Variants in TSEN2 observed in about 807,000 individuals in gnomAD.
The protein encoded by TSEN2 is tRNA splicing endonuclease subunit 2, also known as tRNA-splicing endonuclease subunit Sen2.
In TSEN2, 54 loss-of-function variants were observed where a neutral mutation model predicts 59.2. The ratio of observed to expected loss-of-function variants is 0.91; its 90% confidence interval spans 0.73 to 1.14. The LOEUF (loss-of-function observed/expected upper bound fraction) is 1.14. TSEN2 is among the 50% of genes most tolerant of loss of function. The probability of loss-of-function intolerance (pLI) is 0.00; values close to 1 mark genes in which losing one functional copy is unlikely to be tolerated. For missense variants in TSEN2, 636 were observed against 576.2 expected (o/e 1.10, Z -1.06); for synonymous variants, 195 against 198.2 (o/e 0.98, Z 0.14).
At chr3:12,493,296 G>A (rs984160085) in intron 3 of TSEN2, among the ~76,000 whole-genome samples, 4 of 152,094 alleles carry the variant, frequency 2.6e-5, no homozygotes, top group Non-Finnish European at 1.5e-5. Flanking sequence ...TAGAATTAAT[G>A]GGTCATATGA....
intron 8 of TSEN2, among the ~76,000 whole-genome samples, chr3:12,526,610 C>T (rs1237831770): frequency 6.6e-6 from 1 of 152,200 alleles, no homozygotes; most frequent in East Asian, 1.9e-4. Context: ...ATCATTAAGC[C>T]ACACAGACTG....
At chr3:12,525,593 A>G (rs572319290) in intron 8 of TSEN2, among the ~76,000 whole-genome samples, 9 of 152,114 alleles carry the variant, frequency 5.9e-5, no homozygotes, top group Admixed American at 1.3e-4. Flanking sequence ...GTCTCACTCT[A>G]TCCCCGAGGG....
intron 6 of TSEN2, among the ~76,000 whole-genome samples, chr3:12,513,098 G>C (rs552430899): frequency 2.4e-4 from 36 of 152,186 alleles, no homozygotes; most frequent in Non-Finnish European, 4.9e-4. Flanking sequence ...TCCATCTGTA[G>C]TAAGTGCCTA....
At chr3:12,533,857 G>C (rs1299174205), downstream of TSEN2, among the ~76,000 whole-genome samples, 1 of 152,028 alleles carries the variant, frequency 6.6e-6, no homozygotes, top group Non-Finnish European at 1.5e-5. Flanking sequence ...GCCAATATGG[G>C]GTAAAATATT....
intron 4 of TSEN2, among the ~76,000 whole-genome samples, chr3:12,497,912 G>A (rs76806948): frequency 0.016 from 2,491 of 152,254 alleles, 43 homozygotes; most frequent in South Asian, 0.059. Context: ...TCCCTCGGAA[G>A]GCTCTGGGGG....
rs1173866020 is a variant in TSEN2 at position 12,494,380 on chromosome 3, A to G, written c.272-2138A>G. Among the ~76,000 whole-genome samples, 4 of 152,182 alleles carry G rather than the reference A, an allele frequency of 2.6e-5. No homozygotes were observed. In the East Asian group the frequency reaches 5.8e-4, roughly 22 times the overall value. ...TTATCTAAAAAGATGGAAATATAAA[A>G]TAGATATTTTATTATATTTTTTGAG... On this transcript the variant is annotated intron_variant, in intron 3 of 11. Transcript: ENST00000284995.
chr3:12,518,599 C>A (rs1031898735), intron 7 of TSEN2, among the ~76,000 whole-genome samples: 1 of 152,118 alleles, frequency 6.6e-6, no homozygotes, highest in African/African-American at 2.4e-5. Context: ...TTTCTGGTAA[C>A]CACATTAAAA....
Position 12,532,969 on chromosome 3 carries a change from G to A in TSEN2, c.*248G>A, listed in dbSNP as rs569680467. The stretch of plus-strand genomic sequence containing the variant: ...CAATCCAGAGCCTCCTGCCTCTGGC[G>A]TCAGTCTTTTCCCTCATCCACTCAC... On this transcript the variant is annotated 3_prime_UTR_variant, in exon 12 of 12. Transcript: ENST00000284995. 192 of 562,528 alleles carry A rather than the reference G, an allele frequency of 3.4e-4. 2 individuals are homozygous for A. Among genetic ancestry groups the A allele is most frequent in the East Asian group, 1.8e-3 (57 of 32,524 alleles). The allele number at this position is 562,528 out of a possible 1,614,324, so 34.8% of individuals were successfully genotyped here.
At chr3:12,486,251 A>G (rs1033172270) in intron 1 of TSEN2, among the ~76,000 whole-genome samples, 4 of 152,186 alleles carry the variant, frequency 2.6e-5, no homozygotes, top group Admixed American at 2.6e-4. Context: ...CTCTTACAGC[A>G]TGCTGTTCTG....
rs1245139878 is a variant in TSEN2, at chr3:12,524,863, C to T, written c.1100-4025C>T. Among the ~76,000 whole-genome samples, 12 of 151,896 alleles carry T rather than the reference C, an allele frequency of 7.9e-5. No homozygotes were observed. In the East Asian group the frequency reaches 2.1e-3, roughly 27 times the overall value. On this transcript the variant is annotated intron_variant, in intron 8 of 11. Transcript: ENST00000284995. ...ATTCAAGTGATTCTCCTGCCTCAGC[C>T]TCCTAAGTAGCTGGGATTACAGATG...
chr3:12,523,552 G>A (rs1431221466), intron 8 of TSEN2, among the ~76,000 whole-genome samples: 1 of 10,776 alleles, frequency 9.3e-5, no homozygotes, highest in Non-Finnish European at 2.6e-4. Context: ...TTTTTTTTTT[G>A]AGACAAAGTC....
chr3:12,523,158 C>T (rs137967932), intron 8 of TSEN2, among the ~76,000 whole-genome samples: 3 of 152,016 alleles, frequency 2.0e-5, no homozygotes, highest in African/African-American at 4.8e-5. Flanking sequence ...GCCAAGAAGC[C>T]GAAAACTAAC....
chr3:12,531,486 A>T (rs2057455775), intron 10 of TSEN2, 84 bp from the exon 11 acceptor site: 1 of 837,200 alleles, frequency 1.2e-6, no homozygotes, highest in Non-Finnish European at 2.1e-6. Flanking sequence ...GAGGGACTGG[A>T]GACCACCTGC....
At chr3:12,537,472 A>T (rs1392534220), downstream of TSEN2, among the ~76,000 whole-genome samples, 2 of 152,284 alleles carry the variant, frequency 1.3e-5, no homozygotes, top group African/African-American at 4.8e-5. Context: ...GGCATTTCTT[A>T]TATTATTTAT....
intron 8 of TSEN2, among the ~76,000 whole-genome samples, 197 bp downstream of exon 8, chr3:12,519,394 G>A (rs2056427481): frequency 1.3e-5 from 2 of 152,214 alleles, no homozygotes; most frequent in African/African-American, 4.8e-5. Flanking sequence ...AGAAGGCCTA[G>A]GAGTAGAAGC....
intron 6 of TSEN2, among the ~76,000 whole-genome samples, chr3:12,516,287 G>C (rs183153130): frequency 6.6e-6 from 1 of 152,192 alleles, no homozygotes; most frequent in South Asian, 2.1e-4. Context: ...TTAGCCGGGC[G>C]TGGCGGCGGG....
intron 3 of TSEN2, 65 bp downstream of exon 3, chr3:12,492,282 T>C: frequency 2.2e-6 from 3 of 1,379,478 alleles, no homozygotes; most frequent in Non-Finnish European, 3.1e-6. Flanking sequence ...TTTGATCTTA[T>C]ATCTCAGGCT....
intron 10 of TSEN2, chr3:12,530,089 A>G: frequency 1.4e-6 from 2 of 1,416,654 alleles, no homozygotes; most frequent in Non-Finnish European, 1.8e-6. Flanking sequence ...CCTCCCTCCC[A>G]ACTGCTGCTG....
intron 10 of TSEN2, chr3:12,530,099 G>C (rs1309195676): frequency 7.1e-7 from 1 of 1,413,846 alleles, no homozygotes; most frequent in Non-Finnish European, 9.2e-7. Context: ...AACTGCTGCT[G>C]AGCTCCAATG....
Sources: allele counts gnomAD v4.1 joint callset (sites outside exome capture counted in the v4.1 genomes callset), GRCh38; gene constraint gnomAD v4.1.1; transcripts MANE v1.5; gene names NCBI Gene and HGNC (gene_info 2026-07-23, HGNC 2026-07-21).